TCF12: variants seen among roughly 807,000 people sequenced by gnomAD.
The protein encoded by TCF12 is transcription factor 12.
Under a neutral mutation model 86.0 loss-of-function variants are expected in TCF12, and 45 were observed. That is an observed-to-expected ratio of 0.52 (90% CI 0.41 to 0.67). TCF12 has a LOEUF of 0.67. Ranked by LOEUF, TCF12 falls within the 30% of genes least tolerant of loss-of-function variation. The pLI, the probability that TCF12 is intolerant of heterozygous loss-of-function variation, is 0.00. For synonymous variants in TCF12, 330 were observed against 299.6 expected (o/e 1.10, Z -1.05); for missense variants, 881 against 859.9 (o/e 1.02, Z -0.31).
At chr15:57,015,932 A>G (rs1359321034) in intron 3 of TCF12, among the ~76,000 whole-genome samples, 1 of 152,210 alleles carries the variant, frequency 6.6e-6, no homozygotes, top group Non-Finnish European at 1.5e-5. Flanking sequence ...TACCAGAAAC[A>G]TAATGACTTG....
chr15:57,236,024 G>A (rs1467421131), intron 12 of TCF12, among the ~76,000 whole-genome samples: 2 of 152,168 alleles, frequency 1.3e-5, no homozygotes, highest in Non-Finnish European at 2.9e-5. Flanking sequence ...GTTTAATCTA[G>A]TTAGTGGGTG....
At position 57,161,245 on chromosome 15, in the gene TCF12, T is replaced by C. The variant is rs868769875; in HGVS notation, c.326-5157T>C. Among the ~76,000 whole-genome samples, 6 of 152,242 alleles carry C rather than the reference T, an allele frequency of 3.9e-5. No homozygotes were observed. The South Asian group carries it at 1.0e-3, about 26-fold the overall frequency. Reference sequence around the variant, plus strand: ...AAGCATTGAAAGGTTATAACTTAAGTATATTAGTGGTAGAGAGCAAGATAA... The same window carrying C: ...AAGCATTGAAAGGTTATAACTTAAGCATATTAGTGGTAGAGAGCAAGATAA... On this transcript the variant is annotated intron_variant, in intron 5 of 20. Transcript: ENST00000333725.
intron 3 of TCF12, among the ~76,000 whole-genome samples, chr15:57,053,468 A>G (rs1293220949): frequency 3.9e-5 from 6 of 152,114 alleles, no homozygotes. Flanking sequence ...TTTTTAGATT[A>G]ATGTAGTCCC....
intron 3 of TCF12, among the ~76,000 whole-genome samples, chr15:56,977,906 A>G (rs1278451701): frequency 1.3e-5 from 2 of 152,118 alleles, no homozygotes; most frequent in Non-Finnish European, 2.9e-5. Context: ...ACTGGCTTGG[A>G]GATAGGGCAG....
At chr15:57,225,199 C>T (rs1476807325) in intron 8 of TCF12, among the ~76,000 whole-genome samples, 2 of 129,506 alleles carry the variant, frequency 1.5e-5, no homozygotes, top group Non-Finnish European at 3.2e-5. Flanking sequence ...TAAATGTTAC[C>T]ATTTAGGTTA....
chr15:57,192,417 C>A lies in TCF12; in HGVS notation c.526+124C>A, dbSNP rs1165787074. The A allele has an allele frequency of 1.4e-5, 18 of 1,298,212 alleles. No individual in the cohort carries two copies. The Admixed American group carries it at 2.9e-4, about 21-fold the overall frequency. The allele number at this position is 1,298,212 out of a possible 1,614,324, so 80.4% of individuals were successfully genotyped here. ...TCCGTTTCTTTGTTTAAGACAGCGT[C>A]TCACTCTGTTACCCATGCAGGAATG... On this transcript the variant is annotated intron_variant, in intron 7 of 20. Coordinates refer to ENST00000333725, the MANE Select transcript of TCF12 (RefSeq NM_207037.2).
chr15:57,125,708 GTGCTGTACTTAAATTTTTTTC>G (rs1408797938), intron 5 of TCF12, among the ~76,000 whole-genome samples: 9 of 152,160 alleles, frequency 5.9e-5, no homozygotes, highest in African/African-American at 1.9e-4. Context: ...AATACAGAAT[GTGCTGTACTTAAATTTTTTTC>G]TGCTTATTGT....
chr15:57,121,590 T>C (rs1444181049), intron 5 of TCF12, among the ~76,000 whole-genome samples: 7 of 152,186 alleles, frequency 4.6e-5, no homozygotes, highest in Non-Finnish European at 1.0e-4. Flanking sequence ...CGTTTATCTC[T>C]TGCCCTTCTG....
At position 57,261,293 on chromosome 15, in the gene TCF12, A is replaced by G. The variant is rs553127485; in HGVS notation, c.1468-801A>G. Among the ~76,000 whole-genome samples, 89 of 152,334 alleles carry G rather than the reference A, an allele frequency of 5.8e-4. 1 individual carries two copies. The highest frequency in any genetic ancestry group is 1.9e-3 in the African/African-American group (81 of 41,584). ...GAAAGTGTGGTGGAAGAACGAATCT[A>G]TTCTAATTAGATCTACTACCAAATG... is the stretch of plus-strand genomic sequence containing the variant. On this transcript the variant is annotated intron_variant, in intron 16 of 20. Coordinates refer to ENST00000333725, the MANE Select transcript of TCF12 (RefSeq NM_207037.2).
At chr15:56,999,013 G>A (rs144121573) in intron 3 of TCF12, among the ~76,000 whole-genome samples, 26 of 152,016 alleles carry the variant, frequency 1.7e-4, no homozygotes, top group Admixed American at 9.2e-4. Context: ...CCTGGTTAAC[G>A]TGGTGAAACC....
chr15:57,212,545 T>C (rs2058155220), intron 8 of TCF12, among the ~76,000 whole-genome samples: 1 of 152,106 alleles, frequency 6.6e-6, no homozygotes, highest in Non-Finnish European at 1.5e-5. Context: ...CCCAAAGTGG[T>C]AGTATTACAG....
intron 3 of TCF12, among the ~76,000 whole-genome samples, chr15:56,966,447 C>T (rs1300716658): frequency 6.6e-5 from 10 of 152,152 alleles, no homozygotes; most frequent in Admixed American, 6.5e-4. Context: ...AATAAGGTAG[C>T]TAAGCCTTGT....
At chr15:56,920,679 G>A (rs2059751699) in intron 2 of TCF12, among the ~76,000 whole-genome samples, 1 of 151,882 alleles carries the variant, frequency 6.6e-6, no homozygotes, top group Non-Finnish European at 1.5e-5. Flanking sequence ...GTAATTTAAT[G>A]GGCCATAATT....
At chr15:57,244,269 T>A (rs533062157) in intron 13 of TCF12, among the ~76,000 whole-genome samples, 1 of 152,200 alleles carries the variant, frequency 6.6e-6, no homozygotes, top group Non-Finnish European at 1.5e-5. Context: ...TTCTCCACAC[T>A]TGTCATGTAC....
At chr15:57,113,987 A>G (rs1378534167) in intron 5 of TCF12, among the ~76,000 whole-genome samples, 3 of 151,984 alleles carry the variant, frequency 2.0e-5, no homozygotes, top group South Asian at 2.1e-4. Context: ...AAATTTAGAG[A>G]TGAAACCTGG....
At position 56,925,259 on chromosome 15, in the gene TCF12, C is replaced by T. The variant is rs1468372369; in HGVS notation, c.148+4161C>T. On this transcript the variant is annotated intron_variant, in intron 3 of 20. Coordinates refer to ENST00000333725, the MANE Select transcript of TCF12 (RefSeq NM_207037.2). ...TCCACCGCCCCCCCACCCCCCCGCC[C>T]CAACCCCGTAGTCATTGCTTATAAT... 1.5e-4 allele frequency among the ~76,000 whole-genome samples: 22 copies of T among 149,748 alleles called. No homozygotes were observed. The South Asian group carries it at 4.6e-3, about 31-fold the overall frequency.
At chr15:57,010,454 A>G (rs1294794844) in intron 3 of TCF12, among the ~76,000 whole-genome samples, 1 of 152,200 alleles carries the variant, frequency 6.6e-6, no homozygotes, top group Non-Finnish European at 1.5e-5. Flanking sequence ...AGATTTTAAA[A>G]TAAGCCTGCC....
At chr15:57,074,015 G>A (rs2049216259) in intron 4 of TCF12, among the ~76,000 whole-genome samples, 1 of 152,140 alleles carries the variant, frequency 6.6e-6, no homozygotes, top group South Asian at 2.1e-4. Flanking sequence ...CTCCCAAAGT[G>A]CTGGGATTAC....
At position 56,921,113 on chromosome 15, in the gene TCF12, T is replaced by G. The variant is rs376803670; in HGVS notation, c.148+15T>G. 7 of 1,588,136 alleles carry G rather than the reference T, an allele frequency of 4.4e-6. No individual in the cohort carries two copies. The highest frequency in any genetic ancestry group is 6.0e-6 in the Non-Finnish European group (7 of 1,166,226). ...CAGTGGATCAGGTAAGATGATGTCT[T>G]AAACTAAAGACTCATATTTTGGTGG... is the stretch of plus-strand genomic sequence containing the variant. On this transcript the variant is annotated intron_variant, in intron 3 of 20. Transcript: ENST00000333725.
Sources: gnomAD v4.1 joint callset for allele counts (sites outside exome capture counted in the v4.1 genomes callset) on GRCh38, gnomAD v4.1.1 for gene constraint, MANE v1.5 for transcripts, NCBI Gene and HGNC (gene_info 2026-07-23, HGNC 2026-07-21) for gene names.